VAV3: variants seen among roughly 807,000 people sequenced by gnomAD.
VAV3 encodes the protein guanine nucleotide exchange factor VAV3.
A neutral mutation model predicts 131.2 loss-of-function variants in VAV3; 94 were observed. The observed-to-expected ratio is 0.72, with a 90% CI of 0.61 to 0.85. VAV3 has a LOEUF of 0.85. Among genes scored for constraint, VAV3 ranks in the 40% least tolerant of loss-of-function variants. VAV3 has a pLI of 0.00. For missense variants in VAV3, 939 were observed against 1,002.7 expected, an observed-to-expected ratio of 0.94 and a Z score of 0.86; for synonymous variants, 349 against 342.0, an observed-to-expected ratio of 1.02 and a Z score of -0.22.
At chr1:107,831,098 C>T (rs559928602) in intron 2 of VAV3, among the ~76,000 whole-genome samples, 1 of 151,922 alleles carries the variant, frequency 6.6e-6, no homozygotes, top group Non-Finnish European at 1.5e-5. Context: ...ATTTCAGATG[C>T]TCAACCAGTA....
At chr1:107,613,194 C>G (rs1234085447) in intron 21 of VAV3, among the ~76,000 whole-genome samples, 2 of 152,042 alleles carry the variant, frequency 1.3e-5, no homozygotes, top group East Asian at 3.8e-4. Flanking sequence ...TCTTTAATGT[C>G]TTCTGGTTTC....
intron 2 of VAV3, among the ~76,000 whole-genome samples, chr1:107,792,501 A>C (rs1557850431): frequency 6.6e-6 from 1 of 152,168 alleles, no homozygotes; most frequent in Non-Finnish European, 1.5e-5. Context: ...TATGCATATA[A>C]ATTTCAACAG....
chr1:107,765,775 T>C (rs574308383), intron 8 of VAV3, among the ~76,000 whole-genome samples: 20 of 152,298 alleles, frequency 1.3e-4, no homozygotes, highest in African/African-American at 4.3e-4. Flanking sequence ...GTCAGTTGGT[T>C]TATTGCTTCT....
chr1:107,731,902 C>A (rs533960297), intron 15 of VAV3, among the ~76,000 whole-genome samples: 1 of 152,170 alleles, frequency 6.6e-6, no homozygotes, highest in Non-Finnish European at 1.5e-5. Flanking sequence ...ACAACTATGA[C>A]AAATCAGTTT....
intron 19 of VAV3, among the ~76,000 whole-genome samples, chr1:107,668,197 A>T (rs1657541931): frequency 6.6e-6 from 1 of 152,248 alleles, no homozygotes; most frequent in South Asian, 2.1e-4. Flanking sequence ...GGCATGATCC[A>T]TAATTGTAGC....
At chr1:107,867,982 A>G (rs1263454243) in intron 2 of VAV3, among the ~76,000 whole-genome samples, 1 of 152,110 alleles carries the variant, frequency 6.6e-6, no homozygotes, top group African/African-American at 2.4e-5. Context: ...TGCTATAGGG[A>G]TGAAGGAAAC....
chr1:107,729,900 T>C (rs985624257), intron 15 of VAV3, among the ~76,000 whole-genome samples: 1 of 152,210 alleles, frequency 6.6e-6, no homozygotes, highest in Non-Finnish European at 1.5e-5. Flanking sequence ...TAGGGCACTG[T>C]GGCTTTTGAA....
At chr1:107,846,355 T>C (rs1170423608) in intron 2 of VAV3, among the ~76,000 whole-genome samples, 1 of 152,034 alleles carries the variant, frequency 6.6e-6, no homozygotes, top group Non-Finnish European at 1.5e-5. Flanking sequence ...TACCAAATTG[T>C]AAAGACCATC....
At chr1:107,574,872 A>G (rs1649499566) in intron 25 of VAV3, among the ~76,000 whole-genome samples, 1 of 152,198 alleles carries the variant, frequency 6.6e-6, no homozygotes, top group Non-Finnish European at 1.5e-5. Flanking sequence ...CTTTGAAACA[A>G]ATACTGCCTT....
At chr1:107,699,101 C>A (rs985609152) in intron 17 of VAV3, among the ~76,000 whole-genome samples, 2 of 152,210 alleles carry the variant, frequency 1.3e-5, no homozygotes, top group African/African-American at 4.8e-5. Context: ...CCCCCAAAGT[C>A]TTAACTAATT....
rs1571203979 is a variant in VAV3, at chr1:107,964,834, G to T, written c.36C>A (p.Ile12=). Residue 12 remains isoleucine (I), a synonymous_variant, in exon 1 of 27, where the codon ATC becomes ATA. Transcript: ENST00000370056. ...GGTTGGTGGGCAGCACCTTGCAATG[G>T]ATGAGCCACTGCGCGCACTGCTTCC... is the stretch of plus-strand genomic sequence containing the variant. ...EPWKQCAQWL[I]HCKVLPTNHR... The T allele has an allele frequency of 6.2e-7, 1 of 1,612,454 alleles. No homozygotes were observed. The highest frequency in any genetic ancestry group is 2.2e-5 in the East Asian group (1 of 44,758).
At chr1:107,700,354 A>G (rs1660027445) in intron 17 of VAV3, among the ~76,000 whole-genome samples, 1 of 152,176 alleles carries the variant, frequency 6.6e-6, no homozygotes, top group Non-Finnish European at 1.5e-5. Context: ...GGTTTGTTAC[A>G]TAGGTAAACG....
intron 12 of VAV3, among the ~76,000 whole-genome samples, chr1:107,753,549 T>TATATATGTATATATATATACACAC (rs771773884): frequency 1.2e-5 from 1 of 82,052 alleles, no homozygotes; most frequent in African/African-American, 4.6e-5. Flanking sequence ...TATATATATA[T>TATATATGTATATATATATACACAC]ACACACACAC....
At chr1:107,935,918 G>A (rs1673687922) in intron 1 of VAV3, among the ~76,000 whole-genome samples, 5 of 152,324 alleles carry the variant, frequency 3.3e-5, no homozygotes, top group Middle Eastern at 3.4e-3. Context: ...ACCGATGACA[G>A]AGGCACACAG....
intron 1 of VAV3, among the ~76,000 whole-genome samples, chr1:107,892,800 G>C (rs943144757): frequency 9.2e-5 from 14 of 152,260 alleles, no homozygotes; most frequent in Non-Finnish European, 1.9e-4. Flanking sequence ...ATGCCCTCAA[G>C]TCTGAAGAAG....
At chr1:107,645,581 A>T (rs1039969505) in intron 19 of VAV3, among the ~76,000 whole-genome samples, 2 of 152,100 alleles carry the variant, frequency 1.3e-5, no homozygotes, top group African/African-American at 4.8e-5. Context: ...CCACTTATGA[A>T]AAAGGCACCA....
At chr1:107,933,638 A>AC (rs1353968136) in intron 1 of VAV3, among the ~76,000 whole-genome samples, 1 of 151,700 alleles carries the variant, frequency 6.6e-6, no homozygotes, top group Non-Finnish European at 1.5e-5. Flanking sequence ...ATGCACTGAG[A>AC]CCCCATCTCT....
At chr1:107,712,006 G>A (rs1041352707) in intron 15 of VAV3, among the ~76,000 whole-genome samples, 1 of 152,110 alleles carries the variant, frequency 6.6e-6, no homozygotes, top group Non-Finnish European at 1.5e-5. Flanking sequence ...TAAATTAAAA[G>A]CCGCATAGCA....
chr1:107,736,762 A>G (rs7547598), intron 15 of VAV3, among the ~76,000 whole-genome samples: 101,170 of 151,180 alleles, frequency 0.67, 34,525 homozygotes, highest in East Asian at 0.97. Flanking sequence ...TCAATATCGT[A>G]AAAATGGCCA....
Sources: gnomAD v4.1 joint callset for allele counts (sites outside exome capture counted in the v4.1 genomes callset) on GRCh38, gnomAD v4.1.1 for gene constraint, MANE v1.5 for transcripts, NCBI Gene and HGNC (gene_info 2026-07-23, HGNC 2026-07-21) for gene names.